Variants in WDR41 observed in about 807,000 individuals in gnomAD.
WDR41 encodes WD repeat domain 41.
Under a neutral mutation model 69.3 loss-of-function variants are expected in WDR41, and 63 were observed. That is an observed-to-expected ratio of 0.91 (90% CI 0.74 to 1.12). The LOEUF (loss-of-function observed/expected upper bound fraction) is 1.12, where lower values mean the gene tolerates loss of function less well. Among genes scored for constraint, WDR41 ranks in the 50% most tolerant of loss-of-function variants. WDR41 has a pLI of 0.00. For synonymous variants in WDR41, 185 were observed against 192.1 expected (o/e 0.96, Z 0.31); for missense variants, 543 against 534.5 (o/e 1.02, Z -0.16).
chr5:77,554,418 C>T (rs1194643196), intron 1 of WDR41, among the ~76,000 whole-genome samples: 3 of 152,058 alleles, frequency 2.0e-5, no homozygotes, highest in East Asian at 3.9e-4. Context: ...GTAGAGCCCT[C>T]GTGAATAGGA....
At chr5:77,492,118 C>T in intron 1 of WDR41, 52 bp downstream of exon 1, 2 of 1,596,028 alleles carry the variant, frequency 1.3e-6, no homozygotes, top group Non-Finnish European at 1.7e-6. Flanking sequence ...CGGAACGAAG[C>T]CGCCCCTCCA....
intron 1 of WDR41, among the ~76,000 whole-genome samples, chr5:77,504,969 C>T (rs1271587573): frequency 2.0e-5 from 3 of 152,150 alleles, no homozygotes; most frequent in Non-Finnish European, 4.4e-5. Context: ...CAGCACAAGA[C>T]AAGGATGTTC....
At chr5:77,476,269 A>G (rs1285967654) in intron 2 of WDR41, among the ~76,000 whole-genome samples, 26 of 152,104 alleles carry the variant, frequency 1.7e-4, no homozygotes, top group Non-Finnish European at 1.5e-5. Context: ...ATACAGGAGA[A>G]CTTCCCCAAT....
chr5:77,512,063 T>A (rs1581780110), intron 1 of WDR41, among the ~76,000 whole-genome samples: 1 of 152,198 alleles, frequency 6.6e-6, no homozygotes, highest in African/African-American at 2.4e-5. Flanking sequence ...AACAATATTA[T>A]GTCTTTATCT....
At chr5:77,542,372 A>G (rs1334698436) in intron 1 of WDR41, among the ~76,000 whole-genome samples, 1 of 152,186 alleles carries the variant, frequency 6.6e-6, no homozygotes, top group African/African-American at 2.4e-5. Context: ...GCAAACCACC[A>G]TGGCACATGT....
chr5:77,508,373 CAA>C lies in WDR41; in HGVS notation c.43-18803_43-18802del, dbSNP rs1581778676. Among the ~76,000 whole-genome samples the C allele has an allele frequency of 1.4e-4, 21 of 152,290 alleles. No individual in the cohort carries two copies. In the East Asian group the frequency reaches 3.9e-3, roughly 28 times the overall value. On this transcript the variant is annotated intron_variant, in intron 1 of 5. Transcript: ENST00000509971. ...AAGTGATTGACCTGCCTGGTTCTCC[CAA>C]AGTGCTAGGATGGCAGGCATGAGCC... is the stretch of plus-strand genomic sequence containing the variant.
intron 1 of WDR41, among the ~76,000 whole-genome samples, chr5:77,557,284 C>A: frequency 6.6e-6 from 1 of 151,782 alleles, no homozygotes; most frequent in African/African-American, 2.4e-5. Flanking sequence ...AACAAAAAAC[C>A]ATTAAGAGAA....
At chr5:77,434,742 T>C (rs335625) in intron 12 of WDR41, among the ~76,000 whole-genome samples, 38,092 of 151,950 alleles carry the variant, frequency 0.25, 5,487 homozygotes, top group Non-Finnish European at 0.33. Context: ...ACTGCAAAGA[T>C]AGCCTAGATT....
intron 8 of WDR41, among the ~76,000 whole-genome samples, chr5:77,447,034 G>T (rs1307021503): frequency 1.3e-5 from 2 of 151,958 alleles, no homozygotes; most frequent in African/African-American, 4.8e-5. Flanking sequence ...TCTGACAAAG[G>T]TCGGTCTAAT....
chr5:77,471,033 A>T (rs977461465), intron 2 of WDR41, among the ~76,000 whole-genome samples: 1 of 152,160 alleles, frequency 6.6e-6, no homozygotes, highest in Non-Finnish European at 1.5e-5. Context: ...GAAGTAAAGC[A>T]CTCCTCAGCA....
chr5:77,515,126 T>C (rs1802273716), intron 1 of WDR41, among the ~76,000 whole-genome samples: 1 of 152,188 alleles, frequency 6.6e-6, no homozygotes, highest in Admixed American at 6.5e-5. Context: ...TTATCAACTT[T>C]TTAATTTTAA....
At chr5:77,572,412 A>G (rs1232995157) in intron 1 of WDR41, among the ~76,000 whole-genome samples, 1 of 152,246 alleles carries the variant, frequency 6.6e-6, no homozygotes, top group African/African-American at 2.4e-5. Flanking sequence ...AAGAGTATTC[A>G]GTAATTGTTG....
chr5:77,553,159 G>A (rs1743327794), intron 1 of WDR41, among the ~76,000 whole-genome samples: 2 of 152,286 alleles, frequency 1.3e-5, no homozygotes, highest in Admixed American at 1.3e-4. Context: ...CTTTTTTGCT[G>A]CTATAACAAA....
At chr5:77,500,807 A>T (rs1471645050) in intron 1 of WDR41, among the ~76,000 whole-genome samples, 9 of 152,214 alleles carry the variant, frequency 5.9e-5, no homozygotes, top group Non-Finnish European at 1.3e-4. Flanking sequence ...ACGAACTAGA[A>T]TGTGCTGTGA....
At chr5:77,572,178 G>A (rs1743745216) in intron 1 of WDR41, among the ~76,000 whole-genome samples, 1 of 152,158 alleles carries the variant, frequency 6.6e-6, no homozygotes, top group Non-Finnish European at 1.5e-5. Flanking sequence ...ATTGCTGCTT[G>A]TACAGCACTT....
intron 2 of WDR41, among the ~76,000 whole-genome samples, chr5:77,487,585 G>T (rs756033938): frequency 6.6e-6 from 1 of 152,174 alleles, no homozygotes; most frequent in African/African-American, 2.4e-5. Flanking sequence ...GCTGGACTTT[G>T]TCTCTGGTTC....
intron 7 of WDR41, 123 bp from the exon 8 acceptor site, chr5:77,449,993 C>A: frequency 1.5e-6 from 1 of 652,674 alleles, no homozygotes; most frequent in Non-Finnish European, 2.7e-6. Flanking sequence ...AACCCATCTC[C>A]AAAAAAAAGC....
chr5:77,619,261 G>A (rs542588432), intron 1 of WDR41, among the ~76,000 whole-genome samples: 1 of 152,200 alleles, frequency 6.6e-6, no homozygotes, highest in East Asian at 1.9e-4. Flanking sequence ...AGCATTCCAG[G>A]ATCATTTATT....
At chr5:77,503,828 T>C (rs1802058536) in intron 1 of WDR41, among the ~76,000 whole-genome samples, 1 of 151,998 alleles carries the variant, frequency 6.6e-6, no homozygotes, top group Admixed American at 6.6e-5. Flanking sequence ...TTGAAACCAA[T>C]GAGAACAAAG....
Sources: allele counts gnomAD v4.1 joint callset (sites outside exome capture counted in the v4.1 genomes callset), GRCh38; gene constraint gnomAD v4.1.1; transcripts MANE v1.5; gene names NCBI Gene and HGNC (gene_info 2026-07-23, HGNC 2026-07-21).